Variants in CTNND2 observed in about 807,000 individuals in gnomAD.
CTNND2 encodes the protein catenin delta-2.
CTNND2 carries 22 observed loss-of-function variants against 144.4 expected under a neutral mutation model. That is an observed-to-expected ratio of 0.15 (90% CI 0.11 to 0.22). The LOEUF is 0.22. Ranked by LOEUF, CTNND2 falls within the 10% of genes least tolerant of loss-of-function variation. The pLI, the probability that CTNND2 is intolerant of heterozygous loss-of-function variation, is 1.00. For missense variants in CTNND2, 1,353 were observed against 1,618.8 expected (o/e 0.84, Z 2.82); for synonymous variants, 751 against 695.6 (o/e 1.08, Z -1.25).
At chr5:11,699,970 A>G (rs971217175) in intron 2 of CTNND2, among the ~76,000 whole-genome samples, 2 of 152,236 alleles carry the variant, frequency 1.3e-5, no homozygotes, top group African/African-American at 4.8e-5. Context: ...CATTTGACTG[A>G]ACATTAGGCT....
chr5:11,674,884 C>G (rs797013865), intron 2 of CTNND2, among the ~76,000 whole-genome samples: 7 of 152,236 alleles, frequency 4.6e-5, no homozygotes, highest in African/African-American at 1.7e-4. Context: ...TGCCACCATG[C>G]CTGGCTAATT....
intron 3 of CTNND2, among the ~76,000 whole-genome samples, chr5:11,551,894 C>A (rs566550073): frequency 1.3e-5 from 2 of 152,152 alleles, no homozygotes; most frequent in Non-Finnish European, 2.9e-5. Flanking sequence ...AGCCACCACG[C>A]CTGGCGTTTT....
At chr5:11,387,454 C>T (rs990597675) in intron 6 of CTNND2, among the ~76,000 whole-genome samples, 19 of 152,064 alleles carry the variant, frequency 1.2e-4, no homozygotes, top group Non-Finnish European at 1.3e-4. Flanking sequence ...CTAACAATCT[C>T]CCAGAGCAGG....
chr5:11,742,354 A>C (rs928673132), intron 1 of CTNND2, among the ~76,000 whole-genome samples: 6 of 152,122 alleles, frequency 3.9e-5, no homozygotes, highest in African/African-American at 1.4e-4. Context: ...TACCTTCAGC[A>C]ACAGACTTCA....
At chr5:11,864,686 G>A (rs1240329843) in intron 1 of CTNND2, among the ~76,000 whole-genome samples, 1 of 152,054 alleles carries the variant, frequency 6.6e-6, no homozygotes, top group Non-Finnish European at 1.5e-5. Context: ...TGTAAGATGT[G>A]AGTGGCATCC....
At chr5:11,755,641 CTT>C (rs377766540) in intron 1 of CTNND2, among the ~76,000 whole-genome samples, 1 of 140,204 alleles carries the variant, frequency 7.1e-6, no homozygotes. Context: ...GTTCATTCTT[CTT>C]TTTTTTTTTT....
At position 11,297,633 on chromosome 5, in the gene CTNND2, G is replaced by A. The variant is rs549850691; in HGVS notation, c.1628+48739C>T. ...TTTTTAAATTTTAATATTAAATACA[G>A]TAAATATTAAGAGATGTAACTCATA... On this transcript the variant is annotated intron_variant, in intron 9 of 21. Transcript: ENST00000304623. 1.2e-4 allele frequency among the ~76,000 whole-genome samples: 18 copies of A among 152,228 alleles called. No homozygotes were observed. The South Asian group carries it at 3.7e-3, about 32-fold the overall frequency.
intron 10 of CTNND2, among the ~76,000 whole-genome samples, chr5:11,207,108 C>T (rs548812322): frequency 3.6e-4 from 55 of 152,148 alleles, no homozygotes; most frequent in African/African-American, 1.3e-3. Flanking sequence ...AAGCTGGAAA[C>T]CATCATTCTC....
At chr5:11,583,193 C>A (rs1778572732) in intron 2 of CTNND2, among the ~76,000 whole-genome samples, 1 of 152,210 alleles carries the variant, frequency 6.6e-6, no homozygotes, top group Non-Finnish European at 1.5e-5. Flanking sequence ...ATAACAGTTG[C>A]CCTGGGAATT....
At chr5:11,148,456 C>T (rs977444251) in intron 12 of CTNND2, among the ~76,000 whole-genome samples, 13 of 152,132 alleles carry the variant, frequency 8.5e-5, no homozygotes, top group Non-Finnish European at 1.6e-4. Context: ...GCTGCTAGTT[C>T]GATCTGCCTG....
intron 1 of CTNND2, among the ~76,000 whole-genome samples, chr5:11,902,320 C>T (rs61761560): frequency 0.015 from 2,258 of 152,232 alleles, 62 homozygotes; most frequent in African/African-American, 0.053. Context: ...AGGATACTCG[C>T]CCCTATATAT....
intron 3 of CTNND2, among the ~76,000 whole-genome samples, chr5:11,463,756 A>G (rs955572165): frequency 1.3e-5 from 2 of 151,890 alleles, no homozygotes; most frequent in African/African-American, 4.8e-5. Context: ...AATTTCTTAT[A>G]TGCTTTTAAT....
chr5:11,739,227 C>T (rs1423773183), intron 1 of CTNND2, among the ~76,000 whole-genome samples: 6 of 152,118 alleles, frequency 3.9e-5, no homozygotes, highest in Non-Finnish European at 8.8e-5. Flanking sequence ...CCATCTGCAG[C>T]TGAATCCAGG....
At chr5:11,372,004 T>A (rs1041389120) in intron 7 of CTNND2, among the ~76,000 whole-genome samples, 2 of 152,188 alleles carry the variant, frequency 1.3e-5, no homozygotes, top group Admixed American at 1.3e-4. Context: ...TTATACTAAC[T>A]TAGTACAGCT....
At chr5:11,412,532 T>C (rs757892300) in intron 3 of CTNND2, among the ~76,000 whole-genome samples, 76 of 152,148 alleles carry the variant, frequency 5.0e-4, no homozygotes, top group Non-Finnish European at 6.6e-4. Context: ...CTTTAGTTGA[T>C]TTAAGAGTTT....
chr5:11,153,100 C>T (rs570833852), intron 12 of CTNND2, among the ~76,000 whole-genome samples: 1 of 152,036 alleles, frequency 6.6e-6, no homozygotes, highest in African/African-American at 2.4e-5. Context: ...CCCATCTCTA[C>T]TAAAAATACA....
At chr5:11,501,389 G>A (rs1219498666) in intron 3 of CTNND2, among the ~76,000 whole-genome samples, 3 of 152,130 alleles carry the variant, frequency 2.0e-5, no homozygotes, top group Non-Finnish European at 4.4e-5. Flanking sequence ...GTGTACTCCT[G>A]GCAAGAGTTC....
intron 1 of CTNND2, among the ~76,000 whole-genome samples, chr5:11,839,179 A>C (rs1341208410): frequency 4.6e-5 from 7 of 152,018 alleles, no homozygotes; most frequent in Non-Finnish European, 1.0e-4. Context: ...TGGACATTTG[A>C]AAAGTATTGC....
rs1474376108 is a variant in CTNND2 at position 11,662,652 on chromosome 5, T to C, written c.174+69484A>G. Among the ~76,000 whole-genome samples the C allele has an allele frequency of 3.9e-5, 6 of 151,960 alleles. No homozygotes were observed. The East Asian group carries it at 1.2e-3, about 30-fold the overall frequency. On this transcript the variant is annotated intron_variant, in intron 2 of 21. Coordinates refer to ENST00000304623, the MANE Select transcript of CTNND2 (RefSeq NM_001332.4). ...CACAGACTCACTCAGGATCAATACC[T>C]TACATCCTTCGATCCAACCAAGTTG... is the stretch of plus-strand genomic sequence containing the variant.
Sources: allele counts gnomAD v4.1 joint callset (sites outside exome capture counted in the v4.1 genomes callset), GRCh38; gene constraint gnomAD v4.1.1; transcripts MANE v1.5; gene names NCBI Gene and HGNC (gene_info 2026-07-23, HGNC 2026-07-21).